The following EBF2 variants were observed in gnomAD, a reference collection of about 807,000 sequenced individuals.
EBF2 encodes the protein transcription factor COE2.
Under a neutral mutation model 72.8 loss-of-function variants are expected in EBF2, and 21 were observed. That is an observed-to-expected ratio of 0.29 (90% CI 0.20 to 0.42). The LOEUF (loss-of-function observed/expected upper bound fraction) is 0.42. EBF2 is among the 10% of genes least tolerant of loss of function. The pLI is 1.00. For missense variants in EBF2, 637 were observed against 731.2 expected (o/e 0.87, Z 1.49); for synonymous variants, 299 against 274.2 (o/e 1.09, Z -0.89).
rs969544999 is a variant in EBF2 at position 25,914,292 on chromosome 8, A to G, written c.552-5737T>C. Among the ~76,000 whole-genome samples, 16 of 152,360 alleles carry G rather than the reference A, an allele frequency of 1.1e-4. No homozygotes were observed. The East Asian group carries it at 3.1e-3, about 29-fold the overall frequency. On this transcript the variant is annotated intron_variant, in intron 6 of 15. Coordinates refer to ENST00000520164, the MANE Select transcript of EBF2 (RefSeq NM_022659.4). ...TTGTAATCTAGATCTTAACTGGAAT[A>G]TCTTCTTTGACCCTTCCAACAACAG...
intron 6 of EBF2, among the ~76,000 whole-genome samples, chr8:25,983,085 C>G (rs966934270): frequency 1.3e-5 from 2 of 152,218 alleles, no homozygotes; most frequent in Admixed American, 6.5e-5. Flanking sequence ...GCATCCCCTC[C>G]GCATGCACGA....
intron 10 of EBF2, among the ~76,000 whole-genome samples, chr8:25,869,189 C>T (rs1410794984): frequency 1.3e-5 from 2 of 152,154 alleles, no homozygotes; most frequent in African/African-American, 2.4e-5. Flanking sequence ...TCTGTCTGGG[C>T]CACTGAAATA....
chr8:25,986,738 C>G (rs956784737), intron 6 of EBF2, among the ~76,000 whole-genome samples: 1 of 152,170 alleles, frequency 6.6e-6, no homozygotes, highest in African/African-American at 2.4e-5. Flanking sequence ...ATGTCACTAA[C>G]AATACTCTGT....
chr8:25,866,843 G>C (rs998353487), intron 10 of EBF2, among the ~76,000 whole-genome samples: 1 of 151,258 alleles, frequency 6.6e-6, no homozygotes, highest in Non-Finnish European at 1.5e-5. Flanking sequence ...TATTGGCCAC[G>C]CTGGTCACGA....
At chr8:25,989,320 G>T (rs575872555) in intron 6 of EBF2, among the ~76,000 whole-genome samples, 15 of 152,312 alleles carry the variant, frequency 9.8e-5, no homozygotes, top group African/African-American at 3.6e-4. Flanking sequence ...CATCACAGCA[G>T]CTTTCACCAT....
chr8:26,032,676 G>A (rs532990480), intron 6 of EBF2: 9 of 175,128 alleles, frequency 5.1e-5, no homozygotes, highest in East Asian at 2.9e-4. Flanking sequence ...CCCCTAAACC[G>A]TAATCTGAAT....
At chr8:25,863,926 A>T (rs916901728) in intron 10 of EBF2, among the ~76,000 whole-genome samples, 3 of 152,156 alleles carry the variant, frequency 2.0e-5, no homozygotes, top group African/African-American at 7.2e-5. Flanking sequence ...TTAACAATAT[A>T]TCATAAACTT....
chr8:25,882,334 A>G (rs1405644348), intron 10 of EBF2, among the ~76,000 whole-genome samples: 1 of 152,182 alleles, frequency 6.6e-6, no homozygotes, highest in Non-Finnish European at 1.5e-5. Context: ...AGTAATAATA[A>G]GAATAATATA....
chr8:25,885,992 T>G (rs1400612388), intron 10 of EBF2, among the ~76,000 whole-genome samples: 1 of 152,140 alleles, frequency 6.6e-6, no homozygotes. Flanking sequence ...GGCCTTTGCC[T>G]ATGGGATTCC....
chr8:25,987,115 C>A (rs767119936), intron 6 of EBF2, among the ~76,000 whole-genome samples: 3 of 152,060 alleles, frequency 2.0e-5, no homozygotes, highest in Non-Finnish European at 4.4e-5. Context: ...GCTAAAGAAG[C>A]AGAGGTGAGG....
chr8:26,044,997 G>C lies in EBF2; in HGVS notation c.-138C>G. The stretch of plus-strand genomic sequence containing the variant: ...ATCAAGTGCCCAAGTTTGAGTCTTA[G>C]AAAAAAAAAAAAGATAACCCGTCCT... On this transcript the variant is annotated 5_prime_UTR_variant, in exon 1 of 16. Coordinates refer to ENST00000520164, the MANE Select transcript of EBF2 (RefSeq NM_022659.4). This position sits in a 1 kb window ranked among gnomAD's most constrained non-coding sequence, Gnocchi z 4.1. The C allele has an allele frequency of 1.5e-6, 1 of 653,576 alleles. No individual in the cohort carries two copies. The highest frequency in any genetic ancestry group is 2.3e-6 in the Non-Finnish European group (1 of 436,790). The allele number at this position is 653,576 out of a possible 1,614,324, so 40.5% of individuals were successfully genotyped here. A position where few individuals can be genotyped will look rare whatever the true frequency, so the allele number is the denominator to read the frequency against.
intron 6 of EBF2, among the ~76,000 whole-genome samples, chr8:25,980,400 A>G (rs752027140): frequency 2.0e-5 from 3 of 152,174 alleles, no homozygotes; most frequent in Non-Finnish European, 4.4e-5. Context: ...AAGTCCAGAC[A>G]TTGCAACAAT....
At chr8:25,928,896 G>A (rs1803435104) in intron 6 of EBF2, among the ~76,000 whole-genome samples, 1 of 151,772 alleles carries the variant, frequency 6.6e-6, no homozygotes, top group African/African-American at 2.4e-5. Context: ...CCAGCAAGGA[G>A]TTCCTACTTG....
At position 25,844,305 on chromosome 8, in the gene EBF2, T is replaced by C. The variant is rs1801789019; in HGVS notation, c.*304A>G. On this transcript the variant is annotated 3_prime_UTR_variant, in exon 16 of 16. Transcript: ENST00000520164. ...AATTGTTTGCCAATTTTTTCTTAAA[T>C]ATTTTACAAACATAGGAAGGTGGTT... The C allele has an allele frequency of 4.2e-6, 1 of 240,398 alleles. No individual in the cohort carries two copies. Among genetic ancestry groups the C allele is most frequent in the African/African-American group, 2.2e-5 (1 of 44,692 alleles). The allele number at this position is 240,398 out of a possible 1,614,324, so 14.9% of individuals were successfully genotyped here. A position where few individuals can be genotyped will look rare whatever the true frequency, so the allele number is the denominator to read the frequency against.
At chr8:25,919,725 G>A (rs370401014) in intron 6 of EBF2, among the ~76,000 whole-genome samples, 5 of 152,298 alleles carry the variant, frequency 3.3e-5, no homozygotes, top group South Asian at 2.1e-4. Context: ...GGCCAAAGCC[G>A]GGAGCAGATG....
At chr8:25,898,649 T>C in intron 7 of EBF2, among the ~76,000 whole-genome samples, 2 of 152,148 alleles carry the variant, frequency 1.3e-5, no homozygotes, top group East Asian at 3.9e-4. Flanking sequence ...AGGGCAATAT[T>C]TTACTAGCAA....
intron 6 of EBF2, among the ~76,000 whole-genome samples, chr8:25,944,102 C>A (rs1803725211): frequency 6.6e-6 from 1 of 152,150 alleles, no homozygotes; most frequent in African/African-American, 2.4e-5. Context: ...TTAAGTTATG[C>A]TAAGCACTTG....
intron 6 of EBF2, among the ~76,000 whole-genome samples, chr8:25,969,069 T>C (rs946880338): frequency 6.6e-6 from 1 of 152,026 alleles, no homozygotes; most frequent in African/African-American, 2.4e-5. Flanking sequence ...AATCAGAAAG[T>C]CCCCTTCAAA....
chr8:25,920,575 G>A (rs1198546109), intron 6 of EBF2, among the ~76,000 whole-genome samples: 1 of 152,236 alleles, frequency 6.6e-6, no homozygotes, highest in Admixed American at 6.5e-5. Context: ...GAGAGAAAGC[G>A]ATTGTGACCC....
Sources: gnomAD v4.1 joint callset for allele counts (sites outside exome capture counted in the v4.1 genomes callset) on GRCh38, gnomAD v4.1.1 for gene constraint, Gnocchi (gnomAD v3.1) non-coding constraint, MANE v1.5 for transcripts, NCBI Gene and HGNC (gene_info 2026-07-23, HGNC 2026-07-21) for gene names.